GPC5: variants seen among roughly 807,000 people sequenced by gnomAD.
GPC5 encodes the protein glypican-5.
In GPC5, 47 loss-of-function variants were observed where a neutral mutation model predicts 53.9. That is an observed-to-expected ratio of 0.87 (90% confidence interval 0.69 to 1.11). GPC5 has a LOEUF of 1.11. GPC5 is among the 50% of genes most tolerant of loss of function. The pLI is 0.00. For missense variants in GPC5, 748 were observed against 713.1 expected (o/e 1.05, Z -0.56); for synonymous variants, 286 against 263.3 (o/e 1.09, Z -0.84).
At chr13:92,017,295 T>C (rs976373632) in intron 6 of GPC5, among the ~76,000 whole-genome samples, 2 of 152,168 alleles carry the variant, frequency 1.3e-5, no homozygotes, top group African/African-American at 4.8e-5. Context: ...TTTTCTGTTT[T>C]GGTAGGCTGA....
intron 7 of GPC5, among the ~76,000 whole-genome samples, chr13:92,292,265 C>T (rs552914466): frequency 2.6e-5 from 4 of 152,324 alleles, no homozygotes; most frequent in African/African-American, 9.6e-5. Context: ...CTCCACACTG[C>T]TTCCCATAGC....
chr13:92,279,525 G>A (rs2042898378), intron 7 of GPC5, among the ~76,000 whole-genome samples: 1 of 151,906 alleles, frequency 6.6e-6, no homozygotes, highest in African/African-American at 2.4e-5. Flanking sequence ...ATGTTAAATA[G>A]TGTGATGAAT....
chr13:91,628,286 A>G (rs1357938217), intron 2 of GPC5, among the ~76,000 whole-genome samples: 2 of 152,068 alleles, frequency 1.3e-5, no homozygotes, highest in Non-Finnish European at 2.9e-5. Context: ...TTATCACAAT[A>G]GTTTATAATA....
In GPC5 at chr13:91,496,037, AT is replaced by A. The variant is rs562220458; in HGVS notation, c.325+47116del. Among the ~76,000 whole-genome samples the A allele has an allele frequency of 3.2e-3, 328 of 102,324 alleles. 2 individuals carry two copies. Among genetic ancestry groups the A allele is most frequent in the African/African-American group, 0.012 (295 of 23,668 alleles). 67.1% of individuals were successfully genotyped at this position (102,324 alleles called of 152,430 possible). A position where few individuals can be genotyped will look rare whatever the true frequency, so the allele number is the denominator to read the frequency against. ...GACTCTGTCTCAAAAAAAATAAAAA[AT>A]AAAAAATAAATAAAAAATAAAATTA... On this transcript the variant is annotated intron_variant, in intron 2 of 7. Coordinates refer to ENST00000377067, the MANE Select transcript of GPC5 (RefSeq NM_004466.6).
At chr13:92,055,140 T>G (rs2041064217) in intron 6 of GPC5, among the ~76,000 whole-genome samples, 1 of 152,184 alleles carries the variant, frequency 6.6e-6, no homozygotes, top group Non-Finnish European at 1.5e-5. Flanking sequence ...TCAAACCAGA[T>G]GCAGTGTGAG....
chr13:91,666,654 T>C (rs988035804), intron 2 of GPC5, among the ~76,000 whole-genome samples: 3 of 152,192 alleles, frequency 2.0e-5, no homozygotes, highest in African/African-American at 7.2e-5. Context: ...TAATAATTTT[T>C]AAATAGTTTT....
intron 7 of GPC5, among the ~76,000 whole-genome samples, chr13:92,831,605 T>C: frequency 6.6e-6 from 1 of 152,266 alleles, no homozygotes; most frequent in South Asian, 2.1e-4. Context: ...GTCTTGACTC[T>C]TTGAGTTGCA....
At chr13:92,533,657 T>A (rs9523707) in intron 7 of GPC5, among the ~76,000 whole-genome samples, 1 of 151,968 alleles carries the variant, frequency 6.6e-6, no homozygotes, top group Non-Finnish European at 1.5e-5. Flanking sequence ...AGAGGGTAAG[T>A]GTATGTTTGA....
At chr13:92,615,127 A>G (rs1179554114) in intron 7 of GPC5, among the ~76,000 whole-genome samples, 1 of 152,214 alleles carries the variant, frequency 6.6e-6, no homozygotes, top group Admixed American at 6.5e-5. Context: ...CACATAATTG[A>G]AATGACTTTT....
At chr13:92,758,994 GTTTTT>G (rs68182839) in intron 7 of GPC5, among the ~76,000 whole-genome samples, 18 of 70,566 alleles carry the variant, frequency 2.6e-4, no homozygotes, top group Non-Finnish European at 4.2e-4. Flanking sequence ...TCCCATTGCG[GTTTTT>G]TTTTTTTTTT....
chr13:91,464,895 C>T (rs1882144430), intron 2 of GPC5, among the ~76,000 whole-genome samples: 2 of 152,078 alleles, frequency 1.3e-5, no homozygotes, highest in Admixed American at 1.3e-4. Context: ...GGTTTTGATA[C>T]TGTACTATAG....
intron 7 of GPC5, among the ~76,000 whole-genome samples, chr13:92,654,085 A>T (rs1033941256): frequency 5.3e-5 from 8 of 152,256 alleles, no homozygotes; most frequent in African/African-American, 1.9e-4. Context: ...GTTTCGGTCC[A>T]TTCACAATAC....
intron 6 of GPC5, among the ~76,000 whole-genome samples, chr13:92,024,050 T>G (rs2040781305): frequency 6.6e-6 from 1 of 152,128 alleles, no homozygotes; most frequent in Non-Finnish European, 1.5e-5. Flanking sequence ...ATATGTGTCT[T>G]AAACTGTAGG....
At chr13:92,763,116 C>T (rs1297654208) in intron 7 of GPC5, among the ~76,000 whole-genome samples, 1 of 151,960 alleles carries the variant, frequency 6.6e-6, no homozygotes, top group Non-Finnish European at 1.5e-5. Context: ...GTTTATTTTT[C>T]TTTTGGGTCA....
intron 4 of GPC5, among the ~76,000 whole-genome samples, chr13:91,730,277 G>A (rs1055488253): frequency 2.0e-5 from 3 of 152,128 alleles, no homozygotes; most frequent in Non-Finnish European, 4.4e-5. Flanking sequence ...TGAATTTTAT[G>A]TATCCCTCAT....
At chr13:91,756,138 G>C (rs1217450187) in intron 4 of GPC5, among the ~76,000 whole-genome samples, 157 bp from the exon 5 acceptor site, 2 of 146,570 alleles carry the variant, frequency 1.4e-5, no homozygotes, top group Admixed American at 1.4e-4. Context: ...AAATATATGA[G>C]AACAAATAGA....
intron 7 of GPC5, among the ~76,000 whole-genome samples, chr13:92,325,319 G>C (rs2139228521): frequency 6.6e-6 from 1 of 152,018 alleles, no homozygotes; most frequent in South Asian, 2.1e-4. Flanking sequence ...GATTCAGATT[G>C]GATAAAGTAA....
chr13:91,720,575 C>T (rs2036441972), intron 3 of GPC5, among the ~76,000 whole-genome samples: 1 of 152,128 alleles, frequency 6.6e-6, no homozygotes, highest in African/African-American at 2.4e-5. Flanking sequence ...CCCCTATGCT[C>T]ATCCAACTGC....
chr13:91,447,191 C>T (rs922157736), intron 1 of GPC5, among the ~76,000 whole-genome samples: 2 of 152,192 alleles, frequency 1.3e-5, no homozygotes, highest in African/African-American at 2.4e-5. Context: ...TTTTATTCCT[C>T]AGCAGTCTTT....
Sources: allele counts gnomAD v4.1 joint callset (sites outside exome capture counted in the v4.1 genomes callset), GRCh38; gene constraint gnomAD v4.1.1; transcripts MANE v1.5; gene names NCBI Gene and HGNC (gene_info 2026-07-23, HGNC 2026-07-21).